GPR161: variants seen among roughly 807,000 people sequenced by gnomAD.
GPR161 encodes G-protein coupled receptor RE2.
GPR161 carries 25 observed loss-of-function variants against 39.2 expected under a neutral mutation model. The ratio of observed to expected loss-of-function variants is 0.64; its 90% CI spans 0.47 to 0.89. GPR161 has a LOEUF of 0.89. GPR161 is among the 40% of genes least tolerant of loss of function. The probability of loss-of-function intolerance (pLI) is 0.00; values close to 1 mark genes in which losing one functional copy is unlikely to be tolerated. For missense variants in GPR161, 547 were observed against 677.8 expected, an observed-to-expected ratio of 0.81 and a Z score of 2.14; for synonymous variants, 286 against 276.6, an observed-to-expected ratio of 1.03 and a Z score of -0.34.
Position 168,136,805 on chromosome 1 carries a change from C to T in GPR161, c.-111G>A. The T allele has an allele frequency of 4.1e-6, 4 of 985,584 alleles. No homozygotes were observed. The highest frequency in any genetic ancestry group is 3.6e-6 in the Non-Finnish European group (3 of 830,412). 61.1% of individuals were successfully genotyped at this position (985,584 alleles called of 1,614,324 possible). ...GCCTCCCCGCCTCGGCCACCGCCGCCGCCGCTTCCTTCCTCCCCGCCGCGC... is the reference window on the plus strand; with the variant it reads ...GCCTCCCCGCCTCGGCCACCGCCGCTGCCGCTTCCTTCCTCCCCGCCGCGC... On this transcript the variant is annotated 5_prime_UTR_variant, in exon 1 of 6. Coordinates refer to ENST00000682931, the MANE Select transcript of GPR161 (RefSeq NM_001375883.1).
At position 168,085,395 on chromosome 1, in the gene GPR161, T is replaced by C; in HGVS notation, c.*136A>G. ...TTCAGTCCTTGTCCTGGTGGCTGCATACCAGATGCTGCTCCTTCCCTGTGT... is the reference window on the plus strand; with the variant it reads ...TTCAGTCCTTGTCCTGGTGGCTGCACACCAGATGCTGCTCCTTCCCTGTGT... On this transcript the variant is annotated 3_prime_UTR_variant, in exon 6 of 6. Coordinates refer to ENST00000682931, the MANE Select transcript of GPR161 (RefSeq NM_001375883.1). 1 of 759,128 alleles carries C rather than the reference T, an allele frequency of 1.3e-6. No individual in the cohort carries two copies. The highest frequency in any genetic ancestry group is 2.2e-6 in the Non-Finnish European group (1 of 455,730). The allele number at this position is 759,128 out of a possible 1,614,324, so 47.0% of individuals were successfully genotyped here. A position where few individuals can be genotyped will look rare whatever the true frequency, so the allele number is the denominator to read the frequency against.
At chr1:168,105,773 A>G (rs1696552859) in intron 1 of GPR161, among the ~76,000 whole-genome samples, 1 of 152,256 alleles carries the variant, frequency 6.6e-6, no homozygotes, top group Non-Finnish European at 1.5e-5. Context: ...GTTAAATCCT[A>G]CAGACTAATG....
intron 4 of GPR161, chr1:168,088,100 T>TATCAA (rs1238408546): frequency 6.1e-6 from 1 of 163,922 alleles, no homozygotes; most frequent in African/African-American, 2.4e-5. Context: ...TCTGAATTTC[T>TATCAA]ATCACCACAG....
chr1:168,115,910 A>G (rs1175855592), intron 1 of GPR161, among the ~76,000 whole-genome samples: 2 of 151,846 alleles, frequency 1.3e-5, no homozygotes, highest in South Asian at 2.1e-4. Context: ...CGAGCAGCTG[A>G]GACTACAGGC....
intron 1 of GPR161, among the ~76,000 whole-genome samples, chr1:168,121,762 C>T (rs1387049854): frequency 2.0e-5 from 3 of 152,184 alleles, no homozygotes; most frequent in Admixed American, 6.5e-5. Context: ...TCTGGCAGCC[C>T]GCCGGCTGCC....
At chr1:168,134,859 C>T (rs1699249437) in intron 1 of GPR161, 2 of 1,515,420 alleles carry the variant, frequency 1.3e-6, no homozygotes, top group East Asian at 2.5e-5. Context: ...ACTCAGGCTT[C>T]CTGACTGGTC....
intron 1 of GPR161, among the ~76,000 whole-genome samples, chr1:168,107,509 G>A (rs1233282181): frequency 1.3e-5 from 2 of 152,216 alleles, no homozygotes; most frequent in African/African-American, 4.8e-5. Flanking sequence ...GATGCCCTGT[G>A]CCACCTGGGG....
Position 168,136,391 on chromosome 1 carries a change from T to G in GPR161, c.-45+348A>C, listed in dbSNP as rs879052652. 19 of 1,410,108 alleles carry G rather than the reference T, an allele frequency of 1.3e-5. 1 individual carries two copies. The South Asian group carries it at 2.6e-4, about 19-fold the overall frequency. The allele number at this position is 1,410,108 out of a possible 1,614,324, so 87.3% of individuals were successfully genotyped here. ...GAGTCCCGGGCACGCACCTACGCCC[T>G]CCCATCCAGCGGACTGTTTAGGGGC... On this transcript the variant is annotated intron_variant, in intron 1 of 5. Coordinates refer to ENST00000682931, the MANE Select transcript of GPR161 (RefSeq NM_001375883.1).
intron 3 of GPR161, among the ~76,000 whole-genome samples, chr1:168,093,032 G>A (rs1695217313): frequency 6.6e-6 from 1 of 152,134 alleles, no homozygotes; most frequent in Non-Finnish European, 1.5e-5. Context: ...CCAGCGGAAG[G>A]GCAGGTGGAG....
chr1:168,088,837 G>C (rs114027760), intron 4 of GPR161: 1 of 152,132 alleles, frequency 6.6e-6, no homozygotes, highest in African/African-American at 2.4e-5. Flanking sequence ...CACTCCTTGC[G>C]CCGGGGCACC....
intron 1 of GPR161, among the ~76,000 whole-genome samples, chr1:168,131,376 A>G (rs1189905510): frequency 6.6e-6 from 1 of 152,036 alleles, no homozygotes; most frequent in East Asian, 1.9e-4. Flanking sequence ...CAGTTCTCCA[A>G]ACACTCACTG....
intron 1 of GPR161, among the ~76,000 whole-genome samples, chr1:168,128,222 G>C (rs1698729720): frequency 6.6e-6 from 1 of 152,080 alleles, no homozygotes; most frequent in South Asian, 2.1e-4. Context: ...GGTTAGCTGG[G>C]GAGGGTCTGA....
rs145434494 is a variant in GPR161 at position 168,101,443 on chromosome 1, C to G, written c.374+3034G>C. ...ACAGCTCCTCACCACAGAGAATTAT[C>G]TGGCTCGAAATGTCAACAGTGCTAA... On this transcript the variant is annotated intron_variant, in intron 2 of 5. Transcript: ENST00000682931. 3.7e-4 allele frequency among the ~76,000 whole-genome samples: 56 copies of G among 152,326 alleles called. No individual in the cohort carries two copies. In the East Asian group the frequency reaches 0.01, roughly 28 times the overall value.
In GPR161 at chr1:168,125,905, C is replaced by T. The variant is rs887471722; in HGVS notation, c.-45+10834G>A. Reference sequence around the variant, plus strand: ...TGCTGGGATTACAGGCGTGAGCCACCGCACCCGGCCCTATTTTTATTTCCC... The same window carrying T: ...TGCTGGGATTACAGGCGTGAGCCACTGCACCCGGCCCTATTTTTATTTCCC... On this transcript the variant is annotated intron_variant, in intron 1 of 5. Transcript: ENST00000682931. Among the ~76,000 whole-genome samples, 4 of 152,116 alleles carry T rather than the reference C, an allele frequency of 2.6e-5. No homozygotes were observed. The East Asian group carries it at 7.7e-4, about 29-fold the overall frequency.
At chr1:168,136,325 G>T (rs555099689) in intron 1 of GPR161, 4 of 1,485,204 alleles carry the variant, frequency 2.7e-6, no homozygotes, top group South Asian at 2.6e-5. Context: ...TGAGCGGGAC[G>T]TGGAGTCTCT....
At chr1:168,124,637 AAC>A (rs1422220406) in intron 1 of GPR161, among the ~76,000 whole-genome samples, 2 of 152,166 alleles carry the variant, frequency 1.3e-5, no homozygotes, top group African/African-American at 4.8e-5. Context: ...TATGATCCAA[AAC>A]ACAGTGATTC....
intron 1 of GPR161, 26 bp from the exon 2 acceptor site, chr1:168,104,920 G>C: frequency 1.3e-6 from 2 of 1,561,286 alleles, no homozygotes; most frequent in Non-Finnish European, 1.7e-6. Flanking sequence ...AGGACCAGGG[G>C]ACAGGAAAAG....
chr1:168,102,386 G>T (rs11577972), intron 2 of GPR161, among the ~76,000 whole-genome samples: 1 of 152,118 alleles, frequency 6.6e-6, no homozygotes, highest in African/African-American at 2.4e-5. Context: ...TTAAATCGGC[G>T]CCCACAAGTC....
intron 1 of GPR161, among the ~76,000 whole-genome samples, chr1:168,119,258 G>GTGTATATACACA (rs1558130014): frequency 1.1e-5 from 1 of 94,956 alleles, no homozygotes; most frequent in African/African-American, 5.4e-5. Flanking sequence ...ATATATATAC[G>GTGTATATACACA]TATATATATG....
Sources: allele counts gnomAD v4.1 joint callset (sites outside exome capture counted in the v4.1 genomes callset), GRCh38; gene constraint gnomAD v4.1.1; transcripts MANE v1.5; gene names NCBI Gene and HGNC (gene_info 2026-07-23, HGNC 2026-07-21).